TMEM170B: variants seen among roughly 807,000 people sequenced by gnomAD.
The protein encoded by TMEM170B is transmembrane protein 170B.
In TMEM170B, 6 loss-of-function variants were observed where a neutral mutation model predicts 13.0. That is an observed-to-expected ratio of 0.46 (90% CI 0.25 to 0.91). The LOEUF is 0.91. Among genes scored for constraint, TMEM170B ranks in the 40% least tolerant of loss-of-function variants. The pLI, the probability that TMEM170B is intolerant of heterozygous loss-of-function variation, is 0.17. For missense variants in TMEM170B, 138 were observed against 165.2 expected (o/e 0.84, Z 0.90); for synonymous variants, 61 against 64.9 (o/e 0.94, Z 0.29).
intron 1 of TMEM170B, 104 bp downstream of exon 1, chr6:11,538,478 C>T (rs1192742591): frequency 3.5e-6 from 3 of 866,722 alleles, no homozygotes; most frequent in Non-Finnish European, 5.0e-6. Flanking sequence ...CCCCCGTGCG[C>T]GCCCCGCTCG....
intron 1 of TMEM170B, among the ~76,000 whole-genome samples, chr6:11,560,486 C>T (rs1445305107): frequency 1.3e-5 from 2 of 150,576 alleles, no homozygotes; most frequent in African/African-American, 4.9e-5. Flanking sequence ...TTGTACATGC[C>T]TGTAGTAGCA....
chr6:11,568,024 G>A (rs1056595693), intron 2 of TMEM170B, among the ~76,000 whole-genome samples: 15 of 152,068 alleles, frequency 9.9e-5, no homozygotes, highest in African/African-American at 3.6e-4. Context: ...ATCACTGCTC[G>A]ATCCCCAAAA....
chr6:11,561,975 T>C (rs1759670686), intron 1 of TMEM170B, among the ~76,000 whole-genome samples: 1 of 152,334 alleles, frequency 6.6e-6, no homozygotes, highest in Admixed American at 6.5e-5. Context: ...TGTCAGATAA[T>C]TTCCTGTTCA....
chr6:11,579,403 G>C lies in TMEM170B; in HGVS notation c.*3842G>C, dbSNP rs1047852302. On this transcript the variant is annotated 3_prime_UTR_variant, in exon 3 of 3. Coordinates refer to ENST00000379426, the MANE Select transcript of TMEM170B (RefSeq NM_001100829.3). ...GAGATTGTTTATGAATGGCAAAGCA[G>C]TATGTATTTCACAGTAAATGATCAA... The C allele has an allele frequency of 5.3e-5, 8 of 152,138 alleles. No individual in the cohort carries two copies. Among genetic ancestry groups the C allele is most frequent in the African/African-American group, 1.7e-4 (7 of 41,418 alleles). 9.4% of individuals were successfully genotyped at this position (152,138 alleles called of 1,614,324 possible).
At chr6:11,551,327 T>A (rs1017837817) in intron 1 of TMEM170B, among the ~76,000 whole-genome samples, 1 of 152,192 alleles carries the variant, frequency 6.6e-6, no homozygotes, top group African/African-American at 2.4e-5. Context: ...ATTCTATTGG[T>A]CATACACAGA....
At position 11,576,553 on chromosome 6, in the gene TMEM170B, A is replaced by T. The variant is rs1376806522; in HGVS notation, c.*992A>T. The stretch of plus-strand genomic sequence containing the variant: ...TTTGACAAAACATAAACAGTCTTTC[A>T]TTCTGGAGTATTAACTGTTTTTAGA... On this transcript the variant is annotated 3_prime_UTR_variant, in exon 3 of 3. Transcript: ENST00000379426. The T allele has an allele frequency of 6.6e-6, 1 of 152,120 alleles. No homozygotes were observed. The highest frequency in any genetic ancestry group is 1.5e-5 in the Non-Finnish European group (1 of 67,980). 9.4% of individuals were successfully genotyped at this position (152,120 alleles called of 1,614,324 possible). A position where few individuals can be genotyped will look rare whatever the true frequency, so the allele number is the denominator to read the frequency against.
chr6:11,565,707 C>G lies in TMEM170B; in HGVS notation c.139C>G (p.Leu47Val). The change falls in exon 2 of 3, where the codon CTG (leucine) becomes GTG (valine). Residue 47 changes from leucine (L) to valine (V), a missense_variant. Physicochemically the swap from Leu to Val is conservative, Grantham distance 32. Transcript: ENST00000379426. ...CTTCCTCTGGGCTCTCTTCTCTTCT[C>G]TGTTTGTCCATGGTGCTGCAGGAGT... The part of the protein sequence containing the change: ...WIFLWALFSS[L>V]FVHGAAGVLM... The G allele has an allele frequency of 6.2e-7, 1 of 1,614,142 alleles. No individual in the cohort carries two copies. The highest frequency in any genetic ancestry group is 8.5e-7 in the Non-Finnish European group (1 of 1,180,006).
At chr6:11,573,708 G>A (rs542136957) in intron 2 of TMEM170B, among the ~76,000 whole-genome samples, 172 of 152,276 alleles carry the variant, frequency 1.1e-3, no homozygotes, top group Non-Finnish European at 1.8e-3. Context: ...TCCCCTTGCT[G>A]TGGATCATGA....
intron 1 of TMEM170B, among the ~76,000 whole-genome samples, chr6:11,542,100 G>A (rs1222529769): frequency 6.6e-6 from 1 of 152,156 alleles, no homozygotes; most frequent in Admixed American, 6.5e-5. Flanking sequence ...TTGGAAAAAT[G>A]GTACTGATAG....
At chr6:11,548,510 C>CAG (rs55971075) in intron 1 of TMEM170B, among the ~76,000 whole-genome samples, 8,800 of 152,178 alleles carry the variant, frequency 0.058, 273 homozygotes, top group East Asian at 0.16. Context: ...TTGTGGAAAA[C>CAG]TGTGGCGATT....
chr6:11,540,019 G>C (rs1355391905), intron 1 of TMEM170B, among the ~76,000 whole-genome samples: 1 of 152,110 alleles, frequency 6.6e-6, no homozygotes, highest in Admixed American at 6.5e-5. Flanking sequence ...TGAAAAAAAA[G>C]TACAGACGTT....
At chr6:11,540,454 A>T (rs1428048834) in intron 1 of TMEM170B, among the ~76,000 whole-genome samples, 1 of 152,224 alleles carries the variant, frequency 6.6e-6, no homozygotes, top group Non-Finnish European at 1.5e-5. Flanking sequence ...TTGCTCATCC[A>T]TAAGAAGCAA....
chr6:11,568,045 A>G (rs1366947958), intron 2 of TMEM170B, among the ~76,000 whole-genome samples: 1 of 152,194 alleles, frequency 6.6e-6, no homozygotes, highest in Non-Finnish European at 1.5e-5. Context: ...ATAAAACAGT[A>G]CCTAGAACAT....
At chr6:11,565,475 C>A (rs536202207) in intron 1 of TMEM170B, among the ~76,000 whole-genome samples, 191 bp from the exon 2 acceptor site, 3 of 152,232 alleles carry the variant, frequency 2.0e-5, no homozygotes, top group African/African-American at 7.2e-5. Context: ...GGAATTATTT[C>A]CCCATCAGGC....
In TMEM170B at chr6:11,556,819, G is replaced by T. The variant is rs552554414; in HGVS notation, c.98-8847G>T. 7.2e-5 allele frequency among the ~76,000 whole-genome samples: 11 copies of T among 152,244 alleles called. No individual in the cohort carries two copies. In the East Asian group the frequency reaches 1.5e-3, roughly 21 times the overall value. On this transcript the variant is annotated intron_variant, in intron 1 of 2. Transcript: ENST00000379426. Reference sequence around the variant, plus strand: ...CTGTCCCTTTAGGGTGACAGGATTTGCTGCCCTCCCCTAATGGCTAAGGGT... The same window carrying T: ...CTGTCCCTTTAGGGTGACAGGATTTTCTGCCCTCCCCTAATGGCTAAGGGT...
chr6:11,556,842 G>A (rs1173811751), intron 1 of TMEM170B, among the ~76,000 whole-genome samples: 5 of 152,076 alleles, frequency 3.3e-5, no homozygotes, highest in Non-Finnish European at 5.9e-5. Flanking sequence ...AATGGCTAAG[G>A]GTTTTGCCTT....
intron 1 of TMEM170B, among the ~76,000 whole-genome samples, chr6:11,559,698 A>G (rs16871461): frequency 0.058 from 8,785 of 152,196 alleles, 275 homozygotes; most frequent in East Asian, 0.16. Flanking sequence ...TTGCTGTTAG[A>G]AAATGGGTGC....
chr6:11,538,179 GCCTGGAGGAGCCGCGCACCCGCCGCCGC>G lies in TMEM170B; in HGVS notation c.-96_-69del. The G allele has an allele frequency of 5.8e-6, 2 of 346,362 alleles. No homozygotes were observed. Among genetic ancestry groups the G allele is most frequent in the Non-Finnish European group, 8.6e-6 (2 of 232,546 alleles). 21.5% of individuals were successfully genotyped at this position (346,362 alleles called of 1,614,324 possible). On this transcript the variant is annotated 5_prime_UTR_variant, in exon 1 of 3. Coordinates refer to ENST00000379426, the MANE Select transcript of TMEM170B (RefSeq NM_001100829.3). ...CCCGCAGCCTCCACCAGCGGCGGCG[GCCTGGAGGAGCCGCGCACCCGCCGCCGC>G]CCCCCGAGCCTCGCAGCCGCCGCCG...
intron 1 of TMEM170B, among the ~76,000 whole-genome samples, chr6:11,551,389 C>A (rs966746492): frequency 6.6e-6 from 1 of 152,104 alleles, no homozygotes; most frequent in African/African-American, 2.4e-5. Flanking sequence ...GGTAGGGACT[C>A]TTGAAGGCCT....
Sources: gnomAD v4.1 joint callset for allele counts (sites outside exome capture counted in the v4.1 genomes callset) on GRCh38, gnomAD v4.1.1 for gene constraint, MANE v1.5 for transcripts, NCBI Gene and HGNC (gene_info 2026-07-23, HGNC 2026-07-21) for gene names.